Variants in MSI2 observed in about 807,000 individuals in gnomAD.
MSI2 encodes musashi RNA binding protein 2.
Under a neutral mutation model 45.6 loss-of-function variants are expected in MSI2, and 17 were observed. The ratio of observed to expected loss-of-function variants is 0.37; its 90% CI spans 0.26 to 0.56. The LOEUF (loss-of-function observed/expected upper bound fraction) is 0.56. MSI2 is among the 20% of genes least tolerant of loss of function. MSI2 has a pLI of 0.77. For synonymous variants in MSI2, 156 were observed against 158.2 expected, an observed-to-expected ratio of 0.99 and a Z score of 0.11; for missense variants, 293 against 444.2, an observed-to-expected ratio of 0.66 and a Z score of 3.06.
At chr17:57,517,946 T>G (rs140547362) in intron 6 of MSI2, among the ~76,000 whole-genome samples, 1 of 152,250 alleles carries the variant, frequency 6.6e-6, no homozygotes, top group East Asian at 1.9e-4. Flanking sequence ...AAACACACAT[T>G]TTTTCATCTG....
intron 6 of MSI2, among the ~76,000 whole-genome samples, chr17:57,417,734 C>A (rs9892791): frequency 0.69 from 105,120 of 152,006 alleles, 36,610 homozygotes; most frequent in East Asian, 0.93. Flanking sequence ...GGGATTTGGC[C>A]GCCCAAGGAA....
chr17:57,652,122 C>T lies in MSI2; in HGVS notation c.751C>T (p.Pro251Ser). The T allele has an allele frequency of 1.2e-6, 2 of 1,614,102 alleles. No individual in the cohort carries two copies. Among genetic ancestry groups the T allele is most frequent in the Non-Finnish European group, 1.7e-6 (2 of 1,180,010 alleles). ...FPGFPAAAYG[P>S]VAAAAVAAAR... The stretch of plus-strand genomic sequence containing the variant: ...AGGCTTCCCAGCAGCGGCTTATGGA[C>T]CAGTGGCAGCAGCGGCGGTGGCGGC... Residue 251 changes from proline to serine, a missense_variant, in exon 11 of 14, where the codon CCA (proline) becomes TCA (serine). Coordinates refer to ENST00000284073, the MANE Select transcript of MSI2 (RefSeq NM_138962.4). This position sits in a 1 kb window ranked among gnomAD's most constrained non-coding sequence, Gnocchi z 4.1.
intron 6 of MSI2, among the ~76,000 whole-genome samples, chr17:57,432,138 G>GT (rs1567819724): frequency 1.3e-5 from 2 of 152,150 alleles, no homozygotes; most frequent in Non-Finnish European, 2.9e-5. Flanking sequence ...TGTCTTAATT[G>GT]AATTATTGAA....
intron 6 of MSI2, among the ~76,000 whole-genome samples, chr17:57,525,334 G>A (rs2086675553): frequency 1.3e-5 from 2 of 152,166 alleles, no homozygotes; most frequent in Admixed American, 1.3e-4. Context: ...GCTCAGGCTG[G>A]AGTGCAGTGG....
Position 57,610,479 on chromosome 17 carries a change from G to A in MSI2, c.538-5491G>A, listed in dbSNP as rs928211732. 3.0e-5 allele frequency among the ~76,000 whole-genome samples: 3 copies of A among 98,382 alleles called. 1 individual carries two copies. The highest frequency in any genetic ancestry group is 7.4e-5 in the Non-Finnish European group (3 of 40,440). The allele number at this position is 98,382 out of a possible 152,430, so 64.5% of individuals were successfully genotyped here. Reference sequence around the variant, plus strand: ...AAAAAAAAAAATTCTACATATAGAGGGCTCAGGAGTGTGTGCAAATGATAA... The same window carrying A: ...AAAAAAAAAAATTCTACATATAGAGAGCTCAGGAGTGTGTGCAAATGATAA... On this transcript the variant is annotated intron_variant, in intron 8 of 13. Transcript: ENST00000284073.
At position 57,470,516 on chromosome 17, in the gene MSI2, G is replaced by A. The variant is rs148784469; in HGVS notation, c.406-59160G>A. On this transcript the variant is annotated intron_variant, in intron 6 of 13. Coordinates refer to ENST00000284073, the MANE Select transcript of MSI2 (RefSeq NM_138962.4). ...TGGTCTCGAACTCCTGACCTCAGGC[G>A]ATCTGCCCTCCTGGGCCTCCCAAAG... is the stretch of plus-strand genomic sequence containing the variant. Among the ~76,000 whole-genome samples the A allele has an allele frequency of 5.8e-3, 884 of 152,288 alleles. 10 individuals are homozygous for A. Among genetic ancestry groups the A allele is most frequent in the African/African-American group, 0.021 (852 of 41,544 alleles).
intron 7 of MSI2, among the ~76,000 whole-genome samples, chr17:57,564,727 G>A (rs1379390706): frequency 6.6e-6 from 1 of 152,216 alleles, no homozygotes; most frequent in Non-Finnish European, 1.5e-5. Flanking sequence ...CAAGTATGTG[G>A]TTAATGCTAA....
chr17:57,683,181 A>C lies in MSI2; in HGVS notation c.*3664A>C. 4.4e-6 allele frequency: 1 copy of C among 229,176 alleles called. No homozygotes were observed. Among genetic ancestry groups the C allele is most frequent in the Non-Finnish European group, 8.7e-6 (1 of 115,504 alleles). The allele number at this position is 229,176 out of a possible 1,614,324, so 14.2% of individuals were successfully genotyped here. A position where few individuals can be genotyped will look rare whatever the true frequency, so the allele number is the denominator to read the frequency against. On this transcript the variant is annotated 3_prime_UTR_variant, in exon 14 of 14. Transcript: ENST00000284073. The surrounding 1 kb of genome is among the most constrained non-coding windows in gnomAD (Gnocchi z 5.2). ...TCTATTGCTGTCAATTTACTGTTTC[A>C]CTGCACAGCAATCACAGCCAGTGAA...
At chr17:57,630,077 C>G (rs1472841659) in intron 10 of MSI2, 1 of 152,232 alleles carries the variant, frequency 6.6e-6, no homozygotes, top group Non-Finnish European at 1.5e-5. Flanking sequence ...GGGCCTGCCC[C>G]AGGCAGACGG....
At chr17:57,409,188 C>T (rs549700049) in intron 6 of MSI2, among the ~76,000 whole-genome samples, 79 of 152,334 alleles carry the variant, frequency 5.2e-4, no homozygotes, top group African/African-American at 1.9e-3. Context: ...GAGTTTCTGA[C>T]TGTTGCTAAC....
Position 57,652,264 on chromosome 17 carries a change from C to A in MSI2, c.790+103C>A. On this transcript the variant is annotated intron_variant, in intron 11 of 13. Coordinates refer to ENST00000284073, the MANE Select transcript of MSI2 (RefSeq NM_138962.4). The surrounding 1 kb of genome is among the most constrained non-coding windows in gnomAD (Gnocchi z 4.1). ...GTGTGGCTGCATCTGTCCAACACCA[C>A]TCTCACCACAGCCCCGGGGAGGGGG... The A allele has an allele frequency of 8.4e-7, 1 of 1,194,772 alleles. No homozygotes were observed. Among genetic ancestry groups the A allele is most frequent in the Non-Finnish European group, 1.2e-6 (1 of 817,778 alleles). The allele number at this position is 1,194,772 out of a possible 1,614,324, so 74.0% of individuals were successfully genotyped here. A position where few individuals can be genotyped will look rare whatever the true frequency, so the allele number is the denominator to read the frequency against.
At chr17:57,569,930 T>C (rs1319915147) in intron 7 of MSI2, among the ~76,000 whole-genome samples, 1 of 152,130 alleles carries the variant, frequency 6.6e-6, no homozygotes, top group African/African-American at 2.4e-5. Flanking sequence ...GCATCTGCCA[T>C]CAGTGGGAAA....
chr17:57,646,353 A>G (rs1038872814), intron 10 of MSI2, among the ~76,000 whole-genome samples: 1 of 152,204 alleles, frequency 6.6e-6, no homozygotes, highest in African/African-American at 2.4e-5. Context: ...TTTGCACTAG[A>G]TCATCACAAC....
chr17:57,583,124 T>C (rs2088247645), intron 7 of MSI2, among the ~76,000 whole-genome samples: 2 of 152,216 alleles, frequency 1.3e-5, no homozygotes, highest in Non-Finnish European at 2.9e-5. Flanking sequence ...CCATTTACTT[T>C]TGTGGCATGT....
chr17:57,517,131 C>T (rs1312606859), intron 6 of MSI2, among the ~76,000 whole-genome samples: 6 of 152,158 alleles, frequency 3.9e-5, no homozygotes, highest in Admixed American at 3.3e-4. Flanking sequence ...TAAAAACAGT[C>T]GGTAGTTCAG....
At chr17:57,492,503 A>G (rs1349021018) in intron 6 of MSI2, among the ~76,000 whole-genome samples, 1 of 152,218 alleles carries the variant, frequency 6.6e-6, no homozygotes, top group Non-Finnish European at 1.5e-5. Flanking sequence ...ATAGGTATTG[A>G]AGAAGCTTCA....
chr17:57,681,035 T>C lies in MSI2; in HGVS notation c.*1518T>C, dbSNP rs1459201118. The C allele has an allele frequency of 5.4e-6, 1 of 185,314 alleles. No homozygotes were observed. Among genetic ancestry groups the C allele is most frequent in the East Asian group, 8.7e-5 (1 of 11,502 alleles). 11.5% of individuals were successfully genotyped at this position (185,314 alleles called of 1,614,324 possible). A position where few individuals can be genotyped will look rare whatever the true frequency, so the allele number is the denominator to read the frequency against. On this transcript the variant is annotated 3_prime_UTR_variant, in exon 14 of 14. Transcript: ENST00000284073. Reference sequence around the variant, plus strand: ...TTTTTTAATACCTCAGTGCTGCAAGTATCACCAGAGAGGCTATGGAAGAAT... The same window carrying C: ...TTTTTTAATACCTCAGTGCTGCAAGCATCACCAGAGAGGCTATGGAAGAAT...
chr17:57,411,528 T>G (rs1269884532), intron 6 of MSI2, among the ~76,000 whole-genome samples: 1 of 152,096 alleles, frequency 6.6e-6, no homozygotes, highest in Non-Finnish European at 1.5e-5. Flanking sequence ...ATTTTAAAAT[T>G]AGGTAAGGAA....
At position 57,562,960 on chromosome 17, in the gene MSI2, T is replaced by C. The variant is rs904523440; in HGVS notation, c.454+33236T>C. On this transcript the variant is annotated intron_variant, in intron 7 of 13. Transcript: ENST00000284073. ...TAAAAATACAAAAGTTAGCCAGGTG[T>C]GGTGGCGCATGCCTGTAATCCCAGC... Among the ~76,000 whole-genome samples, 3 of 151,934 alleles carry C rather than the reference T, an allele frequency of 2.0e-5. No homozygotes were observed. The South Asian group carries it at 6.2e-4, about 32-fold the overall frequency.
Sources: allele counts gnomAD v4.1 joint callset (sites outside exome capture counted in the v4.1 genomes callset), GRCh38; gene constraint gnomAD v4.1.1; non-coding constraint Gnocchi (gnomAD v3.1); transcripts MANE v1.5; gene names NCBI Gene and HGNC (gene_info 2026-07-23, HGNC 2026-07-21).